Variants in SYT16 observed in about 807,000 individuals in gnomAD.
The protein encoded by SYT16 is synaptotagmin-16.
In SYT16, 42 loss-of-function variants were observed where a neutral mutation model predicts 61.4. That is an observed-to-expected ratio of 0.68 (90% confidence interval 0.53 to 0.89). The LOEUF (loss-of-function observed/expected upper bound fraction) is 0.89. Ranked by LOEUF, SYT16 falls within the 40% of genes least tolerant of loss-of-function variation. SYT16 has a pLI of 0.00. For synonymous variants in SYT16, 314 were observed against 302.3 expected, an observed-to-expected ratio of 1.04 and a Z score of -0.40; for missense variants, 804 against 807.3, an observed-to-expected ratio of 1.00 and a Z score of 0.05.
At chr14:61,889,942 G>A (rs868276455) in intron 1 of SYT16, among the ~76,000 whole-genome samples, 5 of 151,880 alleles carry the variant, frequency 3.3e-5, no homozygotes, top group South Asian at 2.1e-4. Flanking sequence ...GTCAAGCAGA[G>A]GACTCAGAGG....
intron 2 of SYT16, among the ~76,000 whole-genome samples, chr14:61,980,903 T>C (rs2052041806): frequency 6.6e-6 from 1 of 152,020 alleles, no homozygotes; most frequent in South Asian, 2.1e-4. Flanking sequence ...TATAGGGAGC[T>C]CTATTAGGGA....
intron 1 of SYT16, among the ~76,000 whole-genome samples, chr14:61,823,574 C>CAAAA (rs55935256): frequency 1.8e-3 from 129 of 70,984 alleles, no homozygotes; most frequent in African/African-American, 2.4e-3. Flanking sequence ...ACTAAAAATA[C>CAAAA]AAAAAAAAAA....
intron 2 of SYT16, among the ~76,000 whole-genome samples, chr14:61,992,087 A>C (rs1454640352): frequency 1.3e-5 from 2 of 152,130 alleles, no homozygotes; most frequent in Non-Finnish European, 2.9e-5. Flanking sequence ...TGGAAGAGGA[A>C]GACTGACAAA....
intron 3 of SYT16, among the ~76,000 whole-genome samples, chr14:62,047,585 C>T (rs2055051507): frequency 6.6e-6 from 1 of 152,124 alleles, no homozygotes; most frequent in African/African-American, 2.4e-5. Flanking sequence ...AGTTTTTGTC[C>T]ATTCAGTATG....
At chr14:61,904,904 A>G (rs2140365442) in intron 1 of SYT16, among the ~76,000 whole-genome samples, 1 of 152,318 alleles carries the variant, frequency 6.6e-6, no homozygotes, top group East Asian at 1.9e-4. Flanking sequence ...AAACATAGCA[A>G]TTATTAAAAG....
chr14:61,884,688 G>T, intron 1 of SYT16, among the ~76,000 whole-genome samples: 1 of 152,182 alleles, frequency 6.6e-6, no homozygotes, highest in Non-Finnish European at 1.5e-5. Flanking sequence ...AGCAGGACAA[G>T]ATTAATAGGT....
At chr14:61,990,104 C>T (rs183788077) in intron 2 of SYT16, among the ~76,000 whole-genome samples, 2 of 152,254 alleles carry the variant, frequency 1.3e-5, no homozygotes, top group Admixed American at 6.5e-5. Flanking sequence ...TAACGGAAAA[C>T]ACCTGTAGAC....
At chr14:61,950,930 CA>C (rs1241374995) in intron 1 of SYT16, among the ~76,000 whole-genome samples, 3 of 152,142 alleles carry the variant, frequency 2.0e-5, no homozygotes, top group Admixed American at 2.0e-4. Flanking sequence ...GAAACTTCCC[CA>C]TAGGAAGAGG....
At chr14:61,933,161 C>G (rs1389966748) in intron 1 of SYT16, among the ~76,000 whole-genome samples, 1 of 152,070 alleles carries the variant, frequency 6.6e-6, no homozygotes, top group Admixed American at 6.6e-5. Context: ...TCCGTGGAGC[C>G]CCTTGAAAGA....
At chr14:61,812,662 G>GGGGGCGCGCGGCA (rs1322404566), upstream of SYT16, 2 of 146,424 alleles carry the variant, frequency 1.4e-5, no homozygotes, top group African/African-American at 4.9e-5. Flanking sequence ...GCGGCGCGGC[G>GGGGGCGCGCGGCA]GGGGCGCGCG....
In SYT16 at chr14:62,108,306, G is replaced by C. The variant is rs2057547173; in HGVS notation, c.*7599G>C. ...GGTGGCCTGAAAATTCTGACTGAAAGCAAGTTTTTCGTGTTGCCCAGTTGA... is the reference window on the plus strand; with the variant it reads ...GGTGGCCTGAAAATTCTGACTGAAACCAAGTTTTTCGTGTTGCCCAGTTGA... On this transcript the variant is annotated 3_prime_UTR_variant, in exon 8 of 8. Coordinates refer to ENST00000683842, the MANE Select transcript of SYT16 (RefSeq NM_001367656.1). 1 of 152,194 alleles carries C rather than the reference G, an allele frequency of 6.6e-6. No homozygotes were observed. The highest frequency in any genetic ancestry group is 6.5e-5 in the Admixed American group (1 of 15,272). 9.4% of individuals were successfully genotyped at this position (152,194 alleles called of 1,614,324 possible). A position where few individuals can be genotyped will look rare whatever the true frequency, so the allele number is the denominator to read the frequency against.
chr14:62,053,636 A>G (rs895770465), intron 3 of SYT16, among the ~76,000 whole-genome samples: 2 of 152,344 alleles, frequency 1.3e-5, no homozygotes, highest in African/African-American at 4.8e-5. Context: ...TATTCTTAAT[A>G]GTATAATAGA....
At chr14:61,910,744 G>A (rs1277044698) in intron 1 of SYT16, among the ~76,000 whole-genome samples, 3 of 152,030 alleles carry the variant, frequency 2.0e-5, no homozygotes, top group African/African-American at 4.8e-5. Flanking sequence ...GGCCAGGCTG[G>A]TCTTGAACTC....
At chr14:61,858,120 C>CAAAAAAAAAAAAAAAAAAAAAAAAAA (rs34781118) in intron 1 of SYT16, among the ~76,000 whole-genome samples, 49 of 43,184 alleles carry the variant, frequency 1.1e-3, no homozygotes, top group African/African-American at 1.3e-3. Context: ...CACAGCTTGG[C>CAAAAAAAAAAAAAAAAAAAAAAAAAA]AAAAAAAAAA....
At position 61,845,039 on chromosome 14, in the gene SYT16, C is replaced by CTT. The variant is rs35131511; in HGVS notation, c.-325+32254_-325+32255dup. On this transcript the variant is annotated intron_variant, in intron 1 of 7. Transcript: ENST00000683842. ...TTGCAAGCTTTTCTTTACTAGAAGA[C>CTT]TTTTTTTTTTTTTTTTTTTTTTTTT... Among the ~76,000 whole-genome samples the CTT allele has an allele frequency of 8.0e-3, 778 of 97,602 alleles. 103 individuals carry two copies. The highest frequency in any genetic ancestry group is 0.031 in the African/African-American group (642 of 20,968). 64.0% of individuals were successfully genotyped at this position (97,602 alleles called of 152,430 possible). A position where few individuals can be genotyped will look rare whatever the true frequency, so the allele number is the denominator to read the frequency against.
At chr14:61,980,228 G>A (rs1337394634) in intron 2 of SYT16, among the ~76,000 whole-genome samples, 2 of 152,110 alleles carry the variant, frequency 1.3e-5, no homozygotes, top group Non-Finnish European at 2.9e-5. Context: ...ATCTTAATTT[G>A]CATAGAATAT....
At chr14:62,087,879 G>A (rs1002450402) in intron 7 of SYT16, among the ~76,000 whole-genome samples, 20 of 152,138 alleles carry the variant, frequency 1.3e-4, no homozygotes, top group African/African-American at 4.3e-4. Context: ...TGATGGGCTG[G>A]AGGTAGTGGG....
intron 1 of SYT16, among the ~76,000 whole-genome samples, chr14:61,897,070 A>C (rs7142242): frequency 0.26 from 40,284 of 152,222 alleles, 5,523 homozygotes; most frequent in Admixed American, 0.31. Flanking sequence ...AGAATATTTC[A>C]TGTGAACATT....
chr14:61,856,457 G>C (rs2046777985), intron 1 of SYT16, among the ~76,000 whole-genome samples: 1 of 152,126 alleles, frequency 6.6e-6, no homozygotes, highest in South Asian at 2.1e-4. Flanking sequence ...TTTGAGGATA[G>C]AACAGACAGG....
Sources: allele counts gnomAD v4.1 joint callset (sites outside exome capture counted in the v4.1 genomes callset), GRCh38; gene constraint gnomAD v4.1.1; transcripts MANE v1.5; gene names NCBI Gene and HGNC (gene_info 2026-07-23, HGNC 2026-07-21).